The following VTI1A variants were observed in gnomAD, a reference collection of about 807,000 sequenced individuals.
The protein encoded by VTI1A is vesicle transport through interaction with t-SNAREs homolog 1A.
A neutral mutation model predicts 34.9 loss-of-function variants in VTI1A; 22 were observed. The observed-to-expected ratio is 0.63, with a 90% confidence interval of 0.45 to 0.90. The LOEUF is 0.90. VTI1A is among the 40% of genes least tolerant of loss of function. The probability of loss-of-function intolerance (pLI) is 0.00; values close to 1 mark genes in which losing one functional copy is unlikely to be tolerated. For missense variants in VTI1A, 268 were observed against 275.6 expected (o/e 0.97, Z 0.20); for synonymous variants, 87 against 97.3 (o/e 0.89, Z 0.62).
At position 112,447,264 on chromosome 10, in the gene VTI1A, TG is replaced by T; in HGVS notation, c.-109del. The T allele has an allele frequency of 2.5e-6, 3 of 1,185,510 alleles. No individual in the cohort carries two copies. In the Admixed American group the frequency reaches 6.5e-5, roughly 26 times the overall value. The allele number at this position is 1,185,510 out of a possible 1,614,324, so 73.4% of individuals were successfully genotyped here. A position where few individuals can be genotyped will look rare whatever the true frequency, so the allele number is the denominator to read the frequency against. On this transcript the variant is annotated 5_prime_UTR_variant, in exon 1 of 8. Coordinates refer to ENST00000393077, the MANE Select transcript of VTI1A (RefSeq NM_145206.4). ...GAGAGCTGTCCCCGGTTCTCCGTTC[TG>T]CTCTCGGGGGCACCTTCCGGGGTTC...
intron 4 of VTI1A, among the ~76,000 whole-genome samples, chr10:112,537,384 CTGTT>C (rs1850683975): frequency 7.4e-6 from 1 of 134,438 alleles, no homozygotes; most frequent in Admixed American, 8.2e-5. Flanking sequence ...GATTATAAAT[CTGTT>C]TGGCAACCTG....
chr10:112,478,058 C>T (rs1848336537), intron 3 of VTI1A, among the ~76,000 whole-genome samples: 1 of 152,136 alleles, frequency 6.6e-6, no homozygotes, highest in South Asian at 2.1e-4. Context: ...TGGTTCAGTG[C>T]TAACCATTTC....
intron 7 of VTI1A, among the ~76,000 whole-genome samples, chr10:112,735,541 T>A (rs1477155844): frequency 6.6e-6 from 1 of 152,242 alleles, no homozygotes; most frequent in Non-Finnish European, 1.5e-5. Context: ...TGTTTACAGC[T>A]GGGTTCAAAA....
chr10:112,493,988 T>C (rs984290807), intron 3 of VTI1A, among the ~76,000 whole-genome samples: 14 of 152,222 alleles, frequency 9.2e-5, no homozygotes, highest in African/African-American at 3.4e-4. Flanking sequence ...AGTTAGGAAG[T>C]GTTTCTTCCT....
At chr10:112,814,691 C>T (rs1020579683) in intron 7 of VTI1A, among the ~76,000 whole-genome samples, 1 of 152,112 alleles carries the variant, frequency 6.6e-6, no homozygotes, top group Admixed American at 6.5e-5. Flanking sequence ...ATCTTTTTTG[C>T]TATGGAGCAA....
intron 3 of VTI1A, among the ~76,000 whole-genome samples, chr10:112,474,547 C>G (rs1589808026): frequency 6.6e-6 from 1 of 151,748 alleles, no homozygotes; most frequent in East Asian, 1.9e-4. Context: ...CCTTGACCTC[C>G]TAGGCTCAAG....
chr10:112,820,441 C>T (rs1458704538), downstream of VTI1A, among the ~76,000 whole-genome samples: 1 of 152,254 alleles, frequency 6.6e-6, no homozygotes, highest in Non-Finnish European at 1.5e-5. Context: ...CTGGTGGCTT[C>T]ACTTTGCCTG....
intron 4 of VTI1A, among the ~76,000 whole-genome samples, chr10:112,531,549 C>T (rs998184276): frequency 1.3e-5 from 2 of 151,656 alleles, no homozygotes; most frequent in African/African-American, 4.8e-5. Context: ...GCTACAAATC[C>T]GATGTAGAGC....
At chr10:112,843,670 A>G in the VTI1A span, among the ~76,000 whole-genome samples, 1 of 152,196 alleles carries the variant, frequency 6.6e-6, no homozygotes, top group African/African-American at 2.4e-5. Context: ...AGCTAATGAA[A>G]AACAGGGCAG....
At chr10:112,663,397 C>A (rs1564872839) in intron 5 of VTI1A, among the ~76,000 whole-genome samples, 1 of 152,216 alleles carries the variant, frequency 6.6e-6, no homozygotes, top group Non-Finnish European at 1.5e-5. Context: ...CATCTACTTA[C>A]TTCCTCCAGA....
chr10:112,607,574 A>C (rs570476262), intron 5 of VTI1A, among the ~76,000 whole-genome samples: 1 of 152,310 alleles, frequency 6.6e-6, no homozygotes, highest in Admixed American at 6.5e-5. Flanking sequence ...CTACTGCCCC[A>C]CTTCTATTAC....
chr10:112,621,617 C>T (rs1162071626), intron 5 of VTI1A, among the ~76,000 whole-genome samples: 1 of 152,218 alleles, frequency 6.6e-6, no homozygotes, highest in Non-Finnish European at 1.5e-5. Context: ...CCACACTGTA[C>T]TACCTCTTAG....
chr10:112,519,562 G>A (rs1015962916), intron 3 of VTI1A, among the ~76,000 whole-genome samples: 3 of 152,120 alleles, frequency 2.0e-5, no homozygotes, highest in African/African-American at 7.2e-5. Flanking sequence ...CTGATGATAA[G>A]TTGATAGAAC....
intron 7 of VTI1A, among the ~76,000 whole-genome samples, chr10:112,712,985 C>T (rs1014529570): frequency 3.9e-5 from 6 of 152,148 alleles, no homozygotes; most frequent in African/African-American, 9.7e-5. Context: ...CCACTGACAT[C>T]GTGTCTCTCC....
intron 3 of VTI1A, among the ~76,000 whole-genome samples, chr10:112,507,744 A>G (rs1849480387): frequency 6.6e-6 from 1 of 152,160 alleles, no homozygotes; most frequent in Non-Finnish European, 1.5e-5. Flanking sequence ...AACTATAGGA[A>G]AAAGCATTGG....
At chr10:112,558,713 A>C (rs868284365) in intron 5 of VTI1A, among the ~76,000 whole-genome samples, 1 of 152,174 alleles carries the variant, frequency 6.6e-6, no homozygotes, top group Non-Finnish European at 1.5e-5. Context: ...AGGTCCTGTC[A>C]ATCAAAGGTG....
intron 5 of VTI1A, among the ~76,000 whole-genome samples, chr10:112,632,732 G>A (rs1846182154): frequency 6.6e-6 from 1 of 152,186 alleles, no homozygotes; most frequent in Admixed American, 6.5e-5. Context: ...GTGGAAAGTT[G>A]GGTGAGTACA....
chr10:112,518,316 C>A (rs1589853951), intron 3 of VTI1A, among the ~76,000 whole-genome samples: 1 of 151,920 alleles, frequency 6.6e-6, no homozygotes, highest in Non-Finnish European at 1.5e-5. Flanking sequence ...ACAAGCTTAG[C>A]GTTCCAATAA....
At chr10:112,851,030 C>T in the VTI1A span, among the ~76,000 whole-genome samples, 6 of 152,208 alleles carry the variant, frequency 3.9e-5, no homozygotes, top group African/African-American at 4.8e-5. Context: ...AAGACAGAGG[C>T]GCATGTTTCC....
Sources: gnomAD v4.1 joint callset for allele counts (sites outside exome capture counted in the v4.1 genomes callset) on GRCh38, gnomAD v4.1.1 for gene constraint, MANE v1.5 for transcripts, NCBI Gene and HGNC (gene_info 2026-07-23, HGNC 2026-07-21) for gene names.